USP31: variants seen among roughly 807,000 people sequenced by gnomAD.
The protein encoded by USP31 is ubiquitin carboxyl-terminal hydrolase 31.
USP31 carries 44 observed loss-of-function variants against 119.4 expected under a neutral mutation model. The observed-to-expected ratio is 0.37, with a 90% CI of 0.29 to 0.47. The LOEUF is 0.47. Among genes scored for constraint, USP31 ranks in the 20% least tolerant of loss-of-function variants. The pLI is 0.99. For synonymous variants in USP31, 749 were observed against 705.6 expected, an observed-to-expected ratio of 1.06 and a Z score of -0.97; for missense variants, 1,643 against 1,730.2, an observed-to-expected ratio of 0.95 and a Z score of 0.89.
intron 13 of USP31, among the ~76,000 whole-genome samples, chr16:23,075,754 TTATAGC>T (rs1900542940): frequency 6.6e-6 from 1 of 152,164 alleles, no homozygotes; most frequent in African/African-American, 2.4e-5. Flanking sequence ...ATACCATCGA[TTATAGC>T]TAGAAACAGT....
intron 1 of USP31, among the ~76,000 whole-genome samples, chr16:23,110,451 T>C (rs1902270538): frequency 6.6e-6 from 1 of 152,072 alleles, no homozygotes; most frequent in Non-Finnish European, 1.5e-5. Flanking sequence ...ACCAACAAGG[T>C]AGAAATAGGC....
intron 15 of USP31, 36 bp downstream of exon 15, chr16:23,072,009 C>A (rs1171979852): frequency 1.3e-6 from 2 of 1,589,538 alleles, no homozygotes; most frequent in Non-Finnish European, 1.7e-6. Context: ...CTGTGAGTTA[C>A]CATTCTGGAA....
intron 15 of USP31, 93 bp from the exon 16 acceptor site, chr16:23,069,709 C>A: frequency 6.8e-7 from 1 of 1,468,798 alleles, no homozygotes; most frequent in Non-Finnish European, 9.1e-7. Context: ...AGGTAAGCCT[C>A]ATGGGATGAA....
In USP31 at chr16:23,149,396, A is replaced by C. The variant is rs1296155535; in HGVS notation, c.-126T>G. 3.4e-4 allele frequency: 306 copies of C among 892,464 alleles called. No individual in the cohort carries two copies. The highest frequency in any genetic ancestry group is 5.7e-4 in the Middle Eastern group (1 of 1,742). The allele number at this position is 892,464 out of a possible 1,614,324, so 55.3% of individuals were successfully genotyped here. ...GGGGCTCGACGCCCCACACACCTCA[A>C]AGCGCAGCCGAGCCAGCGAGCGAGC... is the stretch of plus-strand genomic sequence containing the variant. On this transcript the variant is annotated 5_prime_UTR_variant, in exon 1 of 16. Transcript: ENST00000219689.
At chr16:23,112,926 G>A (rs1902369810) in intron 1 of USP31, among the ~76,000 whole-genome samples, 1 of 151,858 alleles carries the variant, frequency 6.6e-6, no homozygotes, top group Non-Finnish European at 1.5e-5. Flanking sequence ...TACTCGAGAG[G>A]CTGAGGCAGG....
rs1899969508 is a variant in USP31 at position 23,064,098 on chromosome 16, A to C, written c.*3948T>G. The C allele has an allele frequency of 6.6e-6, 1 of 152,656 alleles. No individual in the cohort carries two copies. Among genetic ancestry groups the C allele is most frequent in the South Asian group, 2.1e-4 (1 of 4,832 alleles). 9.5% of individuals were successfully genotyped at this position (152,656 alleles called of 1,614,324 possible). A position where few individuals can be genotyped will look rare whatever the true frequency, so the allele number is the denominator to read the frequency against. On this transcript the variant is annotated 3_prime_UTR_variant, in exon 16 of 16. Coordinates refer to ENST00000219689, the MANE Select transcript of USP31 (RefSeq NM_020718.4). ...AGTTTGCCTTTCTCAACTACAAATA[A>C]TACAAAGTTCCACGCACCTCCAGAA...
intron 2 of USP31, among the ~76,000 whole-genome samples, chr16:23,107,780 A>T (rs1466169009): frequency 6.6e-6 from 1 of 152,206 alleles, no homozygotes; most frequent in Non-Finnish European, 1.5e-5. Flanking sequence ...AAATGGAATC[A>T]CTTTTTTTAA....
intron 6 of USP31, among the ~76,000 whole-genome samples, chr16:23,094,926 C>A (rs1901534895): frequency 6.6e-6 from 1 of 152,188 alleles, no homozygotes; most frequent in African/African-American, 2.4e-5. Flanking sequence ...GCTGAAAATT[C>A]TAAAAACCAG....
At chr16:23,072,358 G>A in intron 14 of USP31, 161 bp from the exon 15 acceptor site, 8 of 926,744 alleles carry the variant, frequency 8.6e-6, no homozygotes, top group Admixed American at 2.1e-5. Flanking sequence ...TGTCGTGCCT[G>A]TCCGAATATC....
At position 23,068,571 on chromosome 16, in the gene USP31, G is replaced by C. The variant is rs1306233584; in HGVS notation, c.3534C>G (p.Ser1178=). ...CTGCTCGGGCCTGGCTCACCCGAGG[G>C]GAATTGGGTTTGGAGGTGGAGGTGG... The part of the protein sequence containing the change: ...ASATSTSKPN[S]PRVSQARAGE... Residue 1178 remains serine (S), a synonymous_variant, in exon 16 of 16, where the codon TCC becomes TCG. Coordinates refer to ENST00000219689, the MANE Select transcript of USP31 (RefSeq NM_020718.4). The C allele has an allele frequency of 5.6e-6, 9 of 1,614,078 alleles. No homozygotes were observed. The East Asian group carries it at 2.0e-4, about 36-fold the overall frequency.
At chr16:23,107,669 TAC>T (rs1216980972) in intron 2 of USP31, among the ~76,000 whole-genome samples, 3 of 152,222 alleles carry the variant, frequency 2.0e-5, no homozygotes, top group South Asian at 2.1e-4. Flanking sequence ...AGAAAATCCA[TAC>T]GTTTCCTTTA....
intron 1 of USP31, among the ~76,000 whole-genome samples, chr16:23,127,161 C>T (rs1280778865): frequency 1.3e-5 from 2 of 152,142 alleles, no homozygotes; most frequent in African/African-American, 4.8e-5. Flanking sequence ...AGTGTGGTGG[C>T]TCACTCCTGT....
At chr16:23,141,256 G>A (rs1350987341) in intron 1 of USP31, among the ~76,000 whole-genome samples, 1 of 152,162 alleles carries the variant, frequency 6.6e-6, no homozygotes, top group African/African-American at 2.4e-5. Context: ...AGATCTGTCA[G>A]ACTTTCAAGT....
At chr16:23,073,697 G>T (rs762259563) in intron 14 of USP31, 25 bp downstream of exon 14, 1 of 1,605,886 alleles carries the variant, frequency 6.2e-7, no homozygotes, top group Non-Finnish European at 8.5e-7. Flanking sequence ...GGAAAAAACT[G>T]CCCAAGAACA....
In USP31 at chr16:23,069,626, G is replaced by C. The variant is rs1900265859; in HGVS notation, c.2489-10C>G. On this transcript the variant is annotated splice_polypyrimidine_tract_variant and intron_variant, in intron 15 of 15. Transcript: ENST00000219689. ...CGAGTTGAAAAGCCTCCTGAACACA[G>C]TAAAGAGAATACTGTTAAGTTAAGC... 5 of 1,591,102 alleles carry C rather than the reference G, an allele frequency of 3.1e-6. No individual in the cohort carries two copies. Among genetic ancestry groups the C allele is most frequent in the Non-Finnish European group, 3.4e-6 (4 of 1,165,764 alleles).
intron 6 of USP31, among the ~76,000 whole-genome samples, chr16:23,092,344 A>G (rs1901401738): frequency 6.6e-6 from 1 of 152,228 alleles, no homozygotes; most frequent in African/African-American, 2.4e-5. Flanking sequence ...CTTTCAGTTG[A>G]ACAAACATTA....
intron 6 of USP31, 45 bp downstream of exon 6, chr16:23,102,274 A>C: frequency 6.3e-7 from 1 of 1,579,870 alleles, no homozygotes; most frequent in South Asian, 1.2e-5. Flanking sequence ...ACTATAGTTA[A>C]ACCTGCAAAC....
rs895219265 is a variant in USP31, at chr16:23,063,776, T to C, written c.*4270A>G. Reference sequence around the variant, plus strand: ...TAACATTTCATGTCTATATGTTTTATTGTTTGCTTGCATAGGTAGTAAGAG... The same window carrying C: ...TAACATTTCATGTCTATATGTTTTACTGTTTGCTTGCATAGGTAGTAAGAG... On this transcript the variant is annotated 3_prime_UTR_variant, in exon 16 of 16. Coordinates refer to ENST00000219689, the MANE Select transcript of USP31 (RefSeq NM_020718.4). The C allele has an allele frequency of 6.6e-6, 1 of 152,146 alleles. No homozygotes were observed. The allele number at this position is 152,146 out of a possible 1,614,324, so 9.4% of individuals were successfully genotyped here.
At chr16:23,088,368 G>A (rs1026632888) in intron 7 of USP31, among the ~76,000 whole-genome samples, 5 of 152,232 alleles carry the variant, frequency 3.3e-5, no homozygotes, top group Non-Finnish European at 7.3e-5. Context: ...AAAATCACAA[G>A]AGGAGCTTTA....
Sources: allele counts gnomAD v4.1 joint callset (sites outside exome capture counted in the v4.1 genomes callset), GRCh38; gene constraint gnomAD v4.1.1; transcripts MANE v1.5; gene names NCBI Gene and HGNC (gene_info 2026-07-23, HGNC 2026-07-21).